The following PCDHGA1 variants were observed in gnomAD, a reference collection of about 807,000 sequenced individuals.
PCDHGA1 encodes protocadherin gamma subfamily A, 1, also known as protocadherin gamma-A1.
Under a neutral mutation model 58.0 loss-of-function variants are expected in PCDHGA1, and 32 were observed. The ratio of observed to expected loss-of-function variants is 0.55; its 90% CI spans 0.42 to 0.74. The LOEUF is 0.74. Ranked by LOEUF, PCDHGA1 falls within the 30% of genes least tolerant of loss-of-function variation. The pLI, the probability that PCDHGA1 is intolerant of heterozygous loss-of-function variation, is 0.00. For synonymous variants in PCDHGA1, 498 were observed against 501.1 expected (o/e 0.99, Z 0.08); for missense variants, 1,205 against 1,182.3 (o/e 1.02, Z -0.28).
chr5:141,383,364 C>G lies in PCDHGA1; in HGVS notation c.2421+50259C>G, dbSNP rs1345393790. Reference sequence around the variant, plus strand: ...CTCCTGGGGTTCGGTTTCCGTTAAGCGAGGCTGGGGATCCAGATGTGGGCA... The same window carrying G: ...CTCCTGGGGTTCGGTTTCCGTTAAGGGAGGCTGGGGATCCAGATGTGGGCA... On this transcript the variant is annotated intron_variant, in intron 1 of 3. Transcript: ENST00000517417. The G allele has an allele frequency of 2.5e-6, 4 of 1,613,946 alleles. No homozygotes were observed. The South Asian group carries it at 4.4e-5, about 18-fold the overall frequency.
intron 1 of PCDHGA1, chr5:141,394,345 C>T (rs748471730): frequency 1.2e-6 from 2 of 1,614,146 alleles, no homozygotes; most frequent in Non-Finnish European, 1.7e-6. Context: ...AACTCTGACA[C>T]CGGTGTCCTG....
chr5:141,395,066 G>GACC, intron 1 of PCDHGA1: 1 of 1,614,136 alleles, frequency 6.2e-7, no homozygotes, highest in Non-Finnish European at 8.5e-7. Flanking sequence ...CTTTCCTGCA[G>GACC]ACCTATTCCC....
intron 1 of PCDHGA1, chr5:141,417,651 A>C: frequency 1.2e-6 from 1 of 822,038 alleles, no homozygotes; most frequent in African/African-American, 1.7e-5. Context: ...CTCAGCCTCT[A>C]GCCTGGGATT....
At chr5:141,399,497 T>C in intron 1 of PCDHGA1, 1 of 1,614,030 alleles carries the variant, frequency 6.2e-7, no homozygotes, top group Non-Finnish European at 8.5e-7. Flanking sequence ...TTAGTCAGTG[T>C]ACCCGAAAAC....
chr5:141,420,187 C>T (rs1369031488), intron 1 of PCDHGA1: 7 of 1,613,824 alleles, frequency 4.3e-6, no homozygotes, highest in Non-Finnish European at 5.9e-6. Context: ...ATTGTCCAGC[C>T]ACACAAGATA....
chr5:141,394,505 C>A (rs1366555133), intron 1 of PCDHGA1: 4 of 1,614,218 alleles, frequency 2.5e-6, no homozygotes, highest in Non-Finnish European at 3.4e-6. Context: ...AGATCCTGTA[C>A]CCCGCCCTCC....
chr5:141,374,065 A>G (rs776038796), intron 1 of PCDHGA1: 1 of 1,497,724 alleles, frequency 6.7e-7, no homozygotes, highest in Non-Finnish European at 8.9e-7. Flanking sequence ...ATCCCAGAGA[A>G]GTTCCTAATA....
chr5:141,436,875 A>C (rs1182313546), intron 1 of PCDHGA1, among the ~76,000 whole-genome samples: 3 of 152,236 alleles, frequency 2.0e-5, no homozygotes, highest in African/African-American at 7.2e-5. Context: ...TTAGGCCATA[A>C]AAGATGGGGG....
intron 1 of PCDHGA1, among the ~76,000 whole-genome samples, chr5:141,438,764 C>A (rs963627140): frequency 6.7e-6 from 1 of 148,638 alleles, no homozygotes; most frequent in Non-Finnish European, 1.5e-5. Flanking sequence ...TGGGTTCAAG[C>A]GATTCTCCTG....
At chr5:141,507,283 G>T (rs917383969) in intron 3 of PCDHGA1, 2 of 150,498 alleles carry the variant, frequency 1.3e-5, no homozygotes, top group Non-Finnish European at 2.9e-5. Context: ...GCATAAGTCA[G>T]TCTCAAATGT....
chr5:141,424,023 A>G (rs1391381195), intron 1 of PCDHGA1: 1 of 1,047,166 alleles, frequency 9.5e-7, no homozygotes, highest in Non-Finnish European at 1.2e-6. Context: ...TGATTCACAA[A>G]CACTTTTTAT....
chr5:141,393,110 C>T, intron 1 of PCDHGA1: 10 of 1,613,496 alleles, frequency 6.2e-6, no homozygotes, highest in Non-Finnish European at 8.5e-6. Flanking sequence ...GCGCTCAGAG[C>T]CCGCGGTGTC....
chr5:141,376,675 C>CTT, intron 1 of PCDHGA1: 16 of 345,018 alleles, frequency 4.6e-5, no homozygotes, highest in Non-Finnish European at 6.4e-5. Context: ...GTGAGGGTAT[C>CTT]GTTTTTTTTT....
chr5:141,419,777 C>T (rs976849391), intron 1 of PCDHGA1: 3 of 1,614,054 alleles, frequency 1.9e-6, no homozygotes, highest in Admixed American at 3.3e-5. Flanking sequence ...CTCGGTCCGC[C>T]AGCGCCTGCT....
intron 1 of PCDHGA1, chr5:141,372,544 G>A (rs1768857250): frequency 2.5e-6 from 4 of 1,613,872 alleles, no homozygotes; most frequent in African/African-American, 1.3e-5. Context: ...CGCCTGCGAT[G>A]CTCCTCCAGA....
At chr5:141,421,352 A>T in intron 1 of PCDHGA1, 1 of 1,613,946 alleles carries the variant, frequency 6.2e-7, no homozygotes, top group Non-Finnish European at 8.5e-7. Context: ...GAGACCGAAA[A>T]GGGCTCCTTC....
At chr5:141,411,846 T>C (rs962000304) in intron 1 of PCDHGA1, 1 of 151,734 alleles carries the variant, frequency 6.6e-6, no homozygotes, top group African/African-American at 2.4e-5. Context: ...GGTGACAGAG[T>C]GAGACCCTGT....
intron 1 of PCDHGA1, among the ~76,000 whole-genome samples, chr5:141,405,806 C>T (rs2094720612): frequency 6.8e-6 from 1 of 146,048 alleles, no homozygotes. Context: ...TTAGCTTTCT[C>T]TTTAACTGTC....
At chr5:141,379,717 G>A (rs1775773176) in intron 1 of PCDHGA1, 1 of 152,104 alleles carries the variant, frequency 6.6e-6, no homozygotes, top group Non-Finnish European at 1.5e-5. Context: ...GGCAGTCATG[G>A]AATTTGCTAA....
Sources: allele counts gnomAD v4.1 joint callset (sites outside exome capture counted in the v4.1 genomes callset), GRCh38; gene constraint gnomAD v4.1.1; transcripts MANE v1.5; gene names NCBI Gene and HGNC (gene_info 2026-07-23, HGNC 2026-07-21).